Variants in KIAA0753 observed in about 807,000 individuals in gnomAD.
KIAA0753 encodes the protein protein moonraker.
KIAA0753 carries 114 observed loss-of-function variants against 116.9 expected under a neutral mutation model. The ratio of observed to expected loss-of-function variants is 0.98; its 90% CI spans 0.84 to 1.14. The LOEUF (loss-of-function observed/expected upper bound fraction) is 1.14. Among genes scored for constraint, KIAA0753 ranks in the 50% most tolerant of loss-of-function variants. The pLI, the probability that KIAA0753 is intolerant of heterozygous loss-of-function variation, is 0.00. For synonymous variants in KIAA0753, 405 were observed against 413.1 expected (o/e 0.98, Z 0.24); for missense variants, 1,156 against 1,172.4 (o/e 0.99, Z 0.20).
At position 6,599,359 on chromosome 17, in the gene KIAA0753, C is replaced by T. The variant is rs753390025; in HGVS notation, c.2089-39G>A. The T allele has an allele frequency of 2.1e-5, 27 of 1,289,920 alleles. No homozygotes were observed. The Admixed American group carries it at 4.5e-4, about 21-fold the overall frequency. 79.9% of individuals were successfully genotyped at this position (1,289,920 alleles called of 1,614,324 possible). A position where few individuals can be genotyped will look rare whatever the true frequency, so the allele number is the denominator to read the frequency against. On this transcript the variant is annotated intron_variant, in intron 13 of 18. Transcript: ENST00000361413. ...CAAATACATTCATGGAGTATAAAGA[C>T]TTATAGCTCCTATTAGTACAAATGA...
At chr17:6,588,348 C>T (rs190162751) in intron 18 of KIAA0753, among the ~76,000 whole-genome samples, 3 of 152,048 alleles carry the variant, frequency 2.0e-5, no homozygotes, top group Admixed American at 6.5e-5. Flanking sequence ...AAGCGGAAGA[C>T]AAGGGCATCA....
At position 6,612,040 on chromosome 17, in the gene KIAA0753, T is replaced by C. The variant is rs867955435; in HGVS notation, c.1424A>G (p.Gln475Arg). Residue 475 changes from glutamine to arginine, a missense_variant, in exon 8 of 19, where the codon CAA becomes CGA. Coordinates refer to ENST00000361413, the MANE Select transcript of KIAA0753 (RefSeq NM_014804.3). ...VLEEGPFILDQSASFKDEVLA... is the reference protein window; with the variant it reads ...VLEEGPFILDRSASFKDEVLA... ...CACCTCGTCTTTGAAGCTTGCACTT[T>C]GGTCTAGAATAAATGGTCCTTCTTC... The C allele has an allele frequency of 2.9e-5, 47 of 1,614,112 alleles. No homozygotes were observed. Among genetic ancestry groups the C allele is most frequent in the Non-Finnish European group, 3.9e-5 (46 of 1,180,034 alleles).
At chr17:6,602,630 G>A (rs909349589) in intron 12 of KIAA0753, among the ~76,000 whole-genome samples, 2 of 152,026 alleles carry the variant, frequency 1.3e-5, no homozygotes, top group Admixed American at 6.6e-5. Flanking sequence ...AGTAGAGAAC[G>A]ACCAAAAAAG....
At chr17:6,628,932 T>A (rs1473042221) in intron 2 of KIAA0753, among the ~76,000 whole-genome samples, 191 bp from the exon 3 acceptor site, 1 of 152,220 alleles carries the variant, frequency 6.6e-6, no homozygotes, top group Non-Finnish European at 1.5e-5. Flanking sequence ...GGTTCTATCC[T>A]ATAATCATCC....
chr17:6,588,010 G>A (rs1968711957), intron 18 of KIAA0753, among the ~76,000 whole-genome samples: 1 of 152,200 alleles, frequency 6.6e-6, no homozygotes, highest in East Asian at 1.9e-4. Flanking sequence ...ATAAAACATC[G>A]TGAAGGCTCA....
intron 6 of KIAA0753, 141 bp downstream of exon 6, chr17:6,622,741 G>C: frequency 1.4e-6 from 1 of 690,280 alleles, no homozygotes; most frequent in Non-Finnish European, 2.5e-6. Flanking sequence ...ACAAAAAGAA[G>C]TGTTTCTTCT....
intron 18 of KIAA0753, among the ~76,000 whole-genome samples, chr17:6,585,358 T>C (rs1597455647): frequency 6.6e-6 from 1 of 152,324 alleles, no homozygotes; most frequent in East Asian, 1.9e-4. Flanking sequence ...TATTCATTTA[T>C]TCCTTCACTC....
chr17:6,618,207 G>C (rs1350137061), intron 7 of KIAA0753, among the ~76,000 whole-genome samples: 2 of 152,142 alleles, frequency 1.3e-5, no homozygotes, highest in East Asian at 1.9e-4. Context: ...CCCTGGAGAG[G>C]GCATGGAAGC....
intron 14 of KIAA0753, among the ~76,000 whole-genome samples, chr17:6,598,716 G>A (rs1310826972): frequency 6.6e-6 from 1 of 152,146 alleles, no homozygotes; most frequent in African/African-American, 2.4e-5. Context: ...AGTACAGAGT[G>A]GACAACAAGA....
intron 7 of KIAA0753, among the ~76,000 whole-genome samples, chr17:6,618,523 T>C (rs960226976): frequency 6.6e-6 from 1 of 152,172 alleles, no homozygotes; most frequent in African/African-American, 2.4e-5. Flanking sequence ...GTGTCAGAAT[T>C]GAGTTGAATT....
At chr17:6,634,861 G>C in intron 2 of KIAA0753, 150 bp downstream of exon 2, 1 of 591,674 alleles carries the variant, frequency 1.7e-6, no homozygotes, top group South Asian at 2.2e-5. Flanking sequence ...AAATTTTAAA[G>C]ACAGATGGTT....
intron 16 of KIAA0753, among the ~76,000 whole-genome samples, chr17:6,594,279 C>A (rs1391223148): frequency 5.7e-5 from 1 of 17,604 alleles, no homozygotes; most frequent in Non-Finnish European, 9.1e-5. Flanking sequence ...AGATTCTGAC[C>A]CCCCCCCCCA....
At chr17:6,606,264 A>G (rs148456366) in intron 12 of KIAA0753, among the ~76,000 whole-genome samples, 193 of 152,364 alleles carry the variant, frequency 1.3e-3, no homozygotes, top group African/African-American at 4.5e-3. Flanking sequence ...ACACTCCATC[A>G]TGAATGGTGA....
At chr17:6,625,621 C>G (rs190190456) in intron 3 of KIAA0753, among the ~76,000 whole-genome samples, 2 of 151,528 alleles carry the variant, frequency 1.3e-5, no homozygotes, top group East Asian at 1.9e-4. Context: ...GAGCTGAGAT[C>G]GCACCACTAC....
intron 14 of KIAA0753, among the ~76,000 whole-genome samples, chr17:6,597,344 C>CA (rs1969552989): frequency 6.6e-6 from 1 of 151,986 alleles, no homozygotes; most frequent in South Asian, 2.1e-4. Context: ...AATAAAATTA[C>CA]AAAAAAATCA....
Position 6,589,690 on chromosome 17 carries a change from A to C in KIAA0753, c.2786+89T>G, listed in dbSNP as rs575412896. 1.9e-4 allele frequency: 186 copies of C among 958,468 alleles called. 2 individuals are homozygous for C. In the South Asian group the frequency reaches 2.5e-3, roughly 13 times the overall value. 59.4% of individuals were successfully genotyped at this position (958,468 alleles called of 1,614,324 possible). On this transcript the variant is annotated intron_variant, in intron 18 of 18. Transcript: ENST00000361413. Reference sequence around the variant, plus strand: ...CCAGGGCCCAAAAGCATATGGGATAAGACCTTGGCTAATGCTTTCTCCAGC... The same window carrying C: ...CCAGGGCCCAAAAGCATATGGGATACGACCTTGGCTAATGCTTTCTCCAGC...
Position 6,589,833 on chromosome 17 carries a change from C to T in KIAA0753, c.2732G>A (p.Arg911Gln), listed in dbSNP as rs1035797074. The T allele has an allele frequency of 7.4e-6, 12 of 1,613,986 alleles. No individual in the cohort carries two copies. Among genetic ancestry groups the T allele is most frequent in the African/African-American group, 2.7e-5 (2 of 75,012 alleles). Residue 911 changes from arginine to glutamine, a missense_variant, in exon 18 of 19, where the codon CGG becomes CAG. By Grantham distance (43) the Arg-to-Gln change is conservative. Transcript: ENST00000361413. ...GCCTACAGCCTCATGAGATATGATC[C>T]GAAGGTACTGCTCAAAACGACTACA... ...DYCSRFEQYL[R>Q]IISHEAVGSF...
chr17:6,596,177 C>A lies in KIAA0753; in HGVS notation c.2339G>T (p.Arg780Leu), dbSNP rs769068383. Residue 780 changes from arginine (R) to leucine (L), a missense_variant, in exon 15 of 19, where the codon CGC becomes CTC. By Grantham distance (102) the Arg-to-Leu change is moderately radical. Transcript: ENST00000361413. The stretch of plus-strand genomic sequence containing the variant: ...CCTTACTTCCATCTCTTCCATTCGG[C>A]GCATCATGATCTCCAGATCTGGGCT... ...KDSPDLEIMMRRMEEMEKYQE... is the reference protein window; with the variant it reads ...KDSPDLEIMMLRMEEMEKYQE... 1.2e-6 allele frequency: 2 copies of A among 1,613,738 alleles called. No individual in the cohort carries two copies. Among genetic ancestry groups the A allele is most frequent in the Non-Finnish European group, 1.7e-6 (2 of 1,179,788 alleles).
chr17:6,635,312 G>A, intron 1 of KIAA0753, 141 bp from the exon 2 acceptor site: 5 of 386,342 alleles, frequency 1.3e-5, no homozygotes, highest in Non-Finnish European at 2.3e-5. Context: ...CTTAATGACA[G>A]GTAAATGATA....
Sources: gnomAD v4.1 joint callset for allele counts (sites outside exome capture counted in the v4.1 genomes callset) on GRCh38, gnomAD v4.1.1 for gene constraint, MANE v1.5 for transcripts, NCBI Gene and HGNC (gene_info 2026-07-23, HGNC 2026-07-21) for gene names.